DHX15: variants seen among roughly 807,000 people sequenced by gnomAD.
DHX15 encodes DEAH-box helicase 15.
In DHX15, 11 loss-of-function variants were observed where a neutral mutation model predicts 94.4. The ratio of observed to expected loss-of-function variants is 0.12; its 90% confidence interval spans 0.07 to 0.19. The LOEUF (loss-of-function observed/expected upper bound fraction) is 0.19. Ranked by LOEUF, DHX15 falls within the 10% of genes least tolerant of loss-of-function variation. The pLI, the probability that DHX15 is intolerant of heterozygous loss-of-function variation, is 1.00. For synonymous variants in DHX15, 338 were observed against 329.9 expected, an observed-to-expected ratio of 1.02 and a Z score of -0.27; for missense variants, 304 against 988.5, an observed-to-expected ratio of 0.31 and a Z score of 9.29.
intron 3 of DHX15, among the ~76,000 whole-genome samples, chr4:24,567,248 C>G (rs946436182): frequency 1.3e-5 from 2 of 152,166 alleles, no homozygotes; most frequent in African/African-American, 4.8e-5. Context: ...ATTATCAGCT[C>G]CTTCAAAAAA....
intron 7 of DHX15, 49 bp from the exon 8 acceptor site, chr4:24,542,071 A>G: frequency 6.7e-7 from 1 of 1,497,356 alleles, no homozygotes; most frequent in Non-Finnish European, 9.1e-7. Flanking sequence ...CAAACACAAA[A>G]TTGTGATGCA....
intron 3 of DHX15, among the ~76,000 whole-genome samples, chr4:24,557,088 T>C (rs1721755676): frequency 6.6e-6 from 1 of 152,082 alleles, no homozygotes; most frequent in Non-Finnish European, 1.5e-5. Flanking sequence ...CAGGCTTAGT[T>C]AGGGATGGCT....
intron 3 of DHX15, chr4:24,563,466 T>C (rs1430379374): frequency 2.6e-5 from 4 of 152,314 alleles, no homozygotes; most frequent in South Asian, 4.1e-4. Flanking sequence ...CCTGGACTTG[T>C]TTACAACCTT....
At chr4:24,541,544 A>G (rs568585794) in intron 8 of DHX15, among the ~76,000 whole-genome samples, 2 of 152,138 alleles carry the variant, frequency 1.3e-5, no homozygotes, top group Non-Finnish European at 2.9e-5. Flanking sequence ...ACCTAGTAAC[A>G]AAAGAGCAAA....
chr4:24,553,494 C>G (rs1721656969), intron 5 of DHX15, among the ~76,000 whole-genome samples: 1 of 151,986 alleles, frequency 6.6e-6, no homozygotes, highest in African/African-American at 2.4e-5. Flanking sequence ...CATTTTGGGG[C>G]CAGGTGTGGT....
intron 10 of DHX15, 70 bp downstream of exon 10, chr4:24,540,038 C>A: frequency 8.1e-7 from 1 of 1,239,440 alleles, no homozygotes; most frequent in Admixed American, 2.8e-5. Flanking sequence ...AATTAAAAAA[C>A]AAAAACAAAA....
chr4:24,582,904 C>A (rs1722450732), intron 1 of DHX15, among the ~76,000 whole-genome samples: 1 of 152,168 alleles, frequency 6.6e-6, no homozygotes, highest in African/African-American at 2.4e-5. Flanking sequence ...GTCTTTTTTA[C>A]AATGCCTAAT....
chr4:24,565,899 A>C (rs1004925087), intron 3 of DHX15, among the ~76,000 whole-genome samples: 4 of 152,142 alleles, frequency 2.6e-5, no homozygotes, highest in African/African-American at 9.7e-5. Flanking sequence ...CCATCTTTTG[A>C]AAAAGAAACA....
At chr4:24,549,638 G>A (rs1487030019) in intron 5 of DHX15, among the ~76,000 whole-genome samples, 4 of 152,158 alleles carry the variant, frequency 2.6e-5, no homozygotes, top group Non-Finnish European at 5.9e-5. Context: ...CTGTTGTTGT[G>A]TAAACATTCT....
chr4:24,542,805 T>A, intron 7 of DHX15, 135 bp downstream of exon 7: 1 of 619,542 alleles, frequency 1.6e-6, no homozygotes, highest in Non-Finnish European at 2.8e-6. Flanking sequence ...CATAAAGGGT[T>A]CATACAGCAG....
chr4:24,552,777 G>T (rs748341464), intron 5 of DHX15, among the ~76,000 whole-genome samples: 19 of 152,054 alleles, frequency 1.2e-4, no homozygotes, highest in Middle Eastern at 3.2e-3. Context: ...AAGAAGCAAT[G>T]GTATGCAAAA....
At chr4:24,531,090 AT>A (rs368953985) in intron 12 of DHX15, among the ~76,000 whole-genome samples, 33,868 of 142,824 alleles carry the variant, frequency 0.24, 4,331 homozygotes, top group Non-Finnish European at 0.32. Context: ...AGTTTCATCA[AT>A]TTTTTTTTTT....
chr4:24,583,460 G>A (rs181385853), intron 1 of DHX15, among the ~76,000 whole-genome samples: 1,599 of 144,852 alleles, frequency 0.011, 5 homozygotes, highest in Non-Finnish European at 0.016. Context: ...GACATGCATA[G>A]AAAATAAATG....
At chr4:24,566,828 T>A (rs1355884177) in intron 3 of DHX15, among the ~76,000 whole-genome samples, 1 of 152,124 alleles carries the variant, frequency 6.6e-6, no homozygotes, top group Non-Finnish European at 1.5e-5. Flanking sequence ...AGACTCTATC[T>A]CAAAAATAAA....
rs140536711 is a variant in DHX15 at position 24,529,897 on chromosome 4, ACTGT to A, written c.2101-131_2101-128del. 8,694 of 964,910 alleles carry A rather than the reference ACTGT, an allele frequency of 9.0e-3. 68 individuals carry two copies. Among genetic ancestry groups the A allele is most frequent in the Admixed American group, 0.013 (560 of 44,300 alleles). 59.8% of individuals were successfully genotyped at this position (964,910 alleles called of 1,614,324 possible). On this transcript the variant is annotated intron_variant, in intron 12 of 13. Coordinates refer to ENST00000336812, the MANE Select transcript of DHX15 (RefSeq NM_001358.3). The stretch of plus-strand genomic sequence containing the variant: ...CATTCTATGGCTATACTTATTTATC[ACTGT>A]CTGATAAAAGCAGAGATAAGCAAAC...
intron 3 of DHX15, among the ~76,000 whole-genome samples, chr4:24,568,612 T>TAC (rs1406874780): frequency 6.6e-6 from 1 of 152,232 alleles, no homozygotes; most frequent in Non-Finnish European, 1.5e-5. Context: ...CACTTCCTAC[T>TAC]ACACATACAC....
rs1348306793 is a variant in DHX15 at position 24,556,365 on chromosome 4, G to A, written c.747C>T (p.Pro249=). The stretch of plus-strand genomic sequence containing the variant: ...TTATTACACCATAACGCTCCAGGAG[G>A]GGATCATTCATAGCTTCACGAAGTA... ...GMLLREAMND[P]LLERYGVIIL... Residue 249 remains proline, a synonymous_variant, in exon 4 of 14, where the codon CCC becomes CCT. Coordinates refer to ENST00000336812, the MANE Select transcript of DHX15 (RefSeq NM_001358.3). The A allele has an allele frequency of 6.2e-7, 1 of 1,613,556 alleles. No homozygotes were observed. The highest frequency in any genetic ancestry group is 1.3e-5 in the African/African-American group (1 of 74,996).
chr4:24,545,854 C>T (rs905096808), intron 6 of DHX15, among the ~76,000 whole-genome samples: 3 of 152,130 alleles, frequency 2.0e-5, no homozygotes, highest in Non-Finnish European at 4.4e-5. Flanking sequence ...CTGCAGTAAG[C>T]GTTCAAAGAG....
chr4:24,558,871 T>C (rs908742512), intron 3 of DHX15, among the ~76,000 whole-genome samples: 2 of 152,186 alleles, frequency 1.3e-5, no homozygotes, highest in Non-Finnish European at 2.9e-5. Context: ...TAGGTATCAC[T>C]GTACTGATTC....
Sources: allele counts gnomAD v4.1 joint callset (sites outside exome capture counted in the v4.1 genomes callset), GRCh38; gene constraint gnomAD v4.1.1; transcripts MANE v1.5; gene names NCBI Gene and HGNC (gene_info 2026-07-23, HGNC 2026-07-21).